Variants in ANO10 observed in about 807,000 individuals in gnomAD.
The protein encoded by ANO10 is anoctamin 10, also known as anoctamin-10.
In ANO10, 77 loss-of-function variants were observed where a neutral mutation model predicts 74.7. That is an observed-to-expected ratio of 1.03 (90% CI 0.86 to 1.25). ANO10 has a LOEUF of 1.25. Among genes scored for constraint, ANO10 ranks in the 50% most tolerant of loss-of-function variants. The pLI is 0.00. For synonymous variants in ANO10, 279 were observed against 284.9 expected (o/e 0.98, Z 0.21); for missense variants, 721 against 778.1 (o/e 0.93, Z 0.87).
At chr3:43,377,821 G>A (rs2091853373) in intron 12 of ANO10, among the ~76,000 whole-genome samples, 1 of 152,162 alleles carries the variant, frequency 6.6e-6, no homozygotes, top group Non-Finnish European at 1.5e-5. Flanking sequence ...TTGACAGTTT[G>A]GTTAGATCAA....
At chr3:43,506,352 G>T (rs1173815828) in intron 11 of ANO10, among the ~76,000 whole-genome samples, 1 of 151,982 alleles carries the variant, frequency 6.6e-6, no homozygotes, top group African/African-American at 2.4e-5. Flanking sequence ...CACATTTCCT[G>T]CCCTGGTCCA....
intron 11 of ANO10, among the ~76,000 whole-genome samples, chr3:43,481,466 T>A (rs548834674): frequency 6.6e-6 from 1 of 152,222 alleles, no homozygotes; most frequent in Non-Finnish European, 1.5e-5. Context: ...CCAAGGGCAT[T>A]CCAAAGCTAA....
chr3:43,660,733 T>C (rs1301244183), intron 1 of ANO10, among the ~76,000 whole-genome samples: 1 of 152,178 alleles, frequency 6.6e-6, no homozygotes, highest in African/African-American at 2.4e-5. Flanking sequence ...GGCTGGCGGA[T>C]CACGTGAGGT....
chr3:43,407,590 G>A (rs771808226), intron 12 of ANO10, among the ~76,000 whole-genome samples: 3 of 152,166 alleles, frequency 2.0e-5, no homozygotes, highest in Admixed American at 1.3e-4. Flanking sequence ...GGAGAATGAT[G>A]TCACTTTTTA....
intron 1 of ANO10, among the ~76,000 whole-genome samples, chr3:43,634,159 G>A (rs937937476): frequency 6.6e-6 from 1 of 152,086 alleles, no homozygotes; most frequent in Non-Finnish European, 1.5e-5. Flanking sequence ...CCAACAATTA[G>A]GAGTAGCCTT....
chr3:43,493,501 T>C (rs776902625), intron 11 of ANO10, among the ~76,000 whole-genome samples: 12 of 152,174 alleles, frequency 7.9e-5, no homozygotes, highest in Non-Finnish European at 1.5e-4. Flanking sequence ...CATTTATTTA[T>C]TGAAAGTATT....
chr3:43,628,285 C>T (rs186238630), intron 1 of ANO10, among the ~76,000 whole-genome samples: 3 of 152,242 alleles, frequency 2.0e-5, no homozygotes, highest in Admixed American at 1.3e-4. Context: ...TTTATAATTT[C>T]TTATGCCTGT....
chr3:43,425,088 G>A (rs1193803783), intron 12 of ANO10, among the ~76,000 whole-genome samples: 1 of 151,654 alleles, frequency 6.6e-6, no homozygotes, highest in Non-Finnish European at 1.5e-5. Flanking sequence ...TGAACTAGAT[G>A]TTAGCAGATT....
In ANO10 at chr3:43,603,483, T is replaced by A. The variant is rs1274310992; in HGVS notation, c.139+2231A>T. Among the ~76,000 whole-genome samples, 3 of 152,338 alleles carry A rather than the reference T, an allele frequency of 2.0e-5. No homozygotes were observed. The South Asian group carries it at 6.2e-4, about 32-fold the overall frequency. On this transcript the variant is annotated intron_variant, in intron 2 of 12. Coordinates refer to ENST00000292246, the MANE Select transcript of ANO10 (RefSeq NM_018075.5). ...TTTTTCCTAAAGGATTTTTATAATA[T>A]CCTATTCTTGATTTATAGATGTTAT...
chr3:43,690,607 G>T (rs932326342), intron 1 of ANO10: 1 of 219,672 alleles, frequency 4.6e-6, no homozygotes, highest in Non-Finnish European at 8.9e-6. Context: ...TTCCAGGACC[G>T]GACGCACCTC....
intron 1 of ANO10, among the ~76,000 whole-genome samples, chr3:43,650,862 G>C (rs982794767): frequency 2.6e-5 from 4 of 152,130 alleles, no homozygotes; most frequent in African/African-American, 9.7e-5. Flanking sequence ...GAAGTCAAAG[G>C]CTTCAAACAC....
At chr3:43,402,965 G>A (rs1199955367) in intron 12 of ANO10, among the ~76,000 whole-genome samples, 3 of 152,146 alleles carry the variant, frequency 2.0e-5, no homozygotes, top group African/African-American at 4.8e-5. Context: ...TATTTATTTC[G>A]TCTTAAGGCA....
chr3:43,509,886 G>C (rs1418405319), intron 11 of ANO10, among the ~76,000 whole-genome samples: 1 of 152,130 alleles, frequency 6.6e-6, no homozygotes, highest in African/African-American at 2.4e-5. Flanking sequence ...TAAGCTACTG[G>C]TATACACATA....
chr3:43,605,835 T>G lies in ANO10; in HGVS notation c.18A>C (p.Ser6=). ...AAGAACTCTCAGAAGTATCCAAAGC[T>G]GATAAGGTCACTTTCATCTTTGACA... MKVTL[S]ALDTSESSFT... The change falls in exon 2 of 13, where the codon TCA becomes TCC. Residue 6 remains serine (S), a synonymous_variant. Transcript: ENST00000292246. The G allele has an allele frequency of 6.2e-7, 1 of 1,613,732 alleles. No homozygotes were observed. The highest frequency in any genetic ancestry group is 8.5e-7 in the Non-Finnish European group (1 of 1,179,750).
At chr3:43,383,602 G>A (rs2092034981) in intron 12 of ANO10, among the ~76,000 whole-genome samples, 1 of 151,944 alleles carries the variant, frequency 6.6e-6, no homozygotes, top group Admixed American at 6.6e-5. Flanking sequence ...TTCATACCTG[G>A]GATGCAGGGA....
At chr3:43,436,172 C>T (rs11710955) in intron 11 of ANO10, among the ~76,000 whole-genome samples, 28,156 of 152,034 alleles carry the variant, frequency 0.19, 3,121 homozygotes, top group Middle Eastern at 0.35. Flanking sequence ...ATATTATTTA[C>T]ATTTTCCATA....
intron 1 of ANO10, among the ~76,000 whole-genome samples, chr3:43,637,399 C>T (rs1381453709): frequency 1.3e-5 from 2 of 150,748 alleles, no homozygotes; most frequent in Admixed American, 1.3e-4. Flanking sequence ...ACCTGGGAAG[C>T]GGAGGCTGCA....
chr3:43,610,583 AT>A (rs1323648700), intron 1 of ANO10, among the ~76,000 whole-genome samples: 2 of 152,196 alleles, frequency 1.3e-5, no homozygotes, highest in African/African-American at 4.8e-5. Context: ...GGTGACACGA[AT>A]TTCTCAGCTC....
At chr3:43,522,271 C>T (rs1377032930) in intron 11 of ANO10, among the ~76,000 whole-genome samples, 2 of 151,996 alleles carry the variant, frequency 1.3e-5, no homozygotes, top group African/African-American at 2.4e-5. Context: ...CTAAATTACA[C>T]ACTCAATATA....
Sources: gnomAD v4.1 joint callset for allele counts (sites outside exome capture counted in the v4.1 genomes callset) on GRCh38, gnomAD v4.1.1 for gene constraint, MANE v1.5 for transcripts, NCBI Gene and HGNC (gene_info 2026-07-23, HGNC 2026-07-21) for gene names.